Variants in ARVCF observed in about 807,000 individuals in gnomAD.
ARVCF encodes ARVCF delta catenin family member.
A neutral mutation model predicts 90.9 loss-of-function variants in ARVCF; 66 were observed. The observed-to-expected ratio is 0.73, with a 90% confidence interval of 0.60 to 0.89. The LOEUF (loss-of-function observed/expected upper bound fraction) is 0.89, where lower values mean the gene tolerates loss of function less well. Ranked by LOEUF, ARVCF falls within the 40% of genes least tolerant of loss-of-function variation. The pLI, the probability that ARVCF is intolerant of heterozygous loss-of-function variation, is 0.00. For synonymous variants in ARVCF, 653 were observed against 603.4 expected (o/e 1.08, Z -1.21); for missense variants, 1,469 against 1,382.3 (o/e 1.06, Z -1.00).
At chr22:19,967,380 A>G (rs1216294519), downstream of ARVCF, 1 of 481,884 alleles carries the variant, frequency 2.1e-6, no homozygotes. Flanking sequence ...TTTTCAGCTG[A>G]CATTGCTAGG....
chr22:20,016,780 C>A lies in ARVCF; in HGVS notation c.-264G>T, dbSNP rs973484396. On this transcript the variant is annotated 5_prime_UTR_variant, in exon 1 of 20. Transcript: ENST00000263207. ...CTCCCTCCAGGCCCAGCGCGCAACC[C>A]GAGACCCCGGGCCAGCCCTCCCGCC... The A allele has an allele frequency of 1.3e-5, 2 of 151,422 alleles. No individual in the cohort carries two copies. The highest frequency in any genetic ancestry group is 3.0e-5 in the Non-Finnish European group (2 of 67,792). The allele number at this position is 151,422 out of a possible 1,614,324, so 9.4% of individuals were successfully genotyped here.
rs768227680 is a variant in ARVCF at position 19,972,778 on chromosome 22, C to A, written c.2600G>T (p.Gly867Val). Residue 867 changes from glycine (G) to valine (V), a missense_variant, in exon 16 of 20, where the codon GGC becomes GTC. Coordinates refer to ENST00000263207, the MANE Select transcript of ARVCF (RefSeq NM_001670.3). ...CAGTGGCAGCGTGCTGTCATCGAAGCCCCCAGGACTCAGTGCTCCCTTAGG... is the reference window on the plus strand; with the variant it reads ...CAGTGGCAGCGTGCTGTCATCGAAGACCCCAGGACTCAGTGCTCCCTTAGG... ...KGPKGALSPG[G>V]FDDSTLPLVD... is the part of the protein sequence containing the mutation. 18 of 1,612,996 alleles carry A rather than the reference C, an allele frequency of 1.1e-5. No homozygotes were observed. Among genetic ancestry groups the A allele is most frequent in the East Asian group, 4.5e-5 (2 of 44,878 alleles).
intron 11 of ARVCF, among the ~76,000 whole-genome samples, chr22:19,974,673 G>A (rs773511280): frequency 2.6e-5 from 4 of 151,970 alleles, no homozygotes; most frequent in African/African-American, 4.8e-5. Flanking sequence ...CCCCTAGCAA[G>A]AGGACCTGCT....
chr22:19,969,688 C>T, downstream of ARVCF: 1 of 327,676 alleles, frequency 3.1e-6, no homozygotes, highest in Non-Finnish European at 4.4e-6. Context: ...TAGCCCCCAG[C>T]CAGCCCACTC....
intron 6 of ARVCF, 124 bp downstream of exon 6, chr22:19,979,619 G>A: frequency 7.2e-7 from 1 of 1,383,868 alleles, no homozygotes; most frequent in South Asian, 1.5e-5. Context: ...CGTCTCAGCA[G>A]CTGCACTCCT....
intron 2 of ARVCF, among the ~76,000 whole-genome samples, chr22:19,993,243 C>A (rs1282519657): frequency 6.6e-6 from 1 of 152,142 alleles, no homozygotes; most frequent in East Asian, 1.9e-4. Flanking sequence ...CACAGAAGGC[C>A]CAGGCCCACT....
Position 19,970,014 on chromosome 22 carries a change from G to A in ARVCF, c.*742C>T, listed in dbSNP as rs1040891994. On this transcript the variant is annotated 3_prime_UTR_variant, in exon 20 of 20. Transcript: ENST00000263207. The stretch of plus-strand genomic sequence containing the variant: ...TGTTTTTCTTCTGTTTCTGAGTCAC[G>A]AACAGCAGGCACTGAAAGCAGTCCC... The A allele has an allele frequency of 7.1e-6, 7 of 985,330 alleles. No homozygotes were observed. Among genetic ancestry groups the A allele is most frequent in the African/African-American group, 7.0e-5 (4 of 57,180 alleles). 61.0% of individuals were successfully genotyped at this position (985,330 alleles called of 1,614,324 possible).
intron 18 of ARVCF, 70 bp from the exon 19 acceptor site, chr22:19,971,405 A>T: frequency 6.7e-7 from 1 of 1,497,468 alleles, no homozygotes; most frequent in South Asian, 1.3e-5. Flanking sequence ...GGGACAGGGC[A>T]GGGGCAGGGC....
At position 19,990,798 on chromosome 22, in the gene ARVCF, C is replaced by G; in HGVS notation, c.-4G>C. 6.4e-7 allele frequency: 1 copy of G among 1,554,680 alleles called. No individual in the cohort carries two copies. Reference sequence around the variant, plus strand: ...AGTGCACATTGCAGTCCTCCATGACCAGAGCGCCCGCCAGCTGCAGGCAAA... The same window carrying G: ...AGTGCACATTGCAGTCCTCCATGACGAGAGCGCCCGCCAGCTGCAGGCAAA... On this transcript the variant is annotated 5_prime_UTR_variant, in exon 3 of 20. Transcript: ENST00000263207.
chr22:19,967,382 A>G (rs999383443), downstream of ARVCF: 6 of 475,920 alleles, frequency 1.3e-5, no homozygotes, highest in East Asian at 7.1e-5. Flanking sequence ...TTCAGCTGAC[A>G]TTGCTAGGAC....
intron 3 of ARVCF, among the ~76,000 whole-genome samples, chr22:19,987,616 C>T (rs1379441309): frequency 3.9e-5 from 6 of 152,078 alleles, no homozygotes; most frequent in Non-Finnish European, 8.8e-5. Context: ...TGGCACAAAC[C>T]TGGCTGCGAC....
intron 2 of ARVCF, among the ~76,000 whole-genome samples, chr22:20,004,147 A>G (rs1229964016): frequency 6.6e-6 from 1 of 152,128 alleles, no homozygotes; most frequent in Non-Finnish European, 1.5e-5. Context: ...AATAGAATAC[A>G]TAATACTAAA....
chr22:19,969,101 T>G, downstream of ARVCF: 1 of 232,274 alleles, frequency 4.3e-6, no homozygotes, highest in South Asian at 5.1e-5. Flanking sequence ...CATTCAAAGC[T>G]CCCCTTGACG....
At chr22:19,968,917 A>G (rs1942589639), downstream of ARVCF, 2 of 613,328 alleles carry the variant, frequency 3.3e-6, no homozygotes, top group Non-Finnish European at 5.8e-6. Flanking sequence ...GTTCTTTTTT[A>G]AGACTCAATC....
chr22:19,972,862 G>A, intron 15 of ARVCF, 35 bp from the exon 16 acceptor site: 1 of 1,613,672 alleles, frequency 6.2e-7, no homozygotes, highest in Admixed American at 1.7e-5. Flanking sequence ...GGTGGGTGAA[G>A]CACATGGAGT....
intron 12 of ARVCF, 21 bp downstream of exon 12, chr22:19,974,091 C>T: frequency 1.3e-6 from 2 of 1,594,144 alleles, no homozygotes; most frequent in Non-Finnish European, 1.7e-6. Context: ...CTTGCCCACC[C>T]TGCCCGACCT....
At chr22:19,978,359 G>A (rs1420353553) in intron 7 of ARVCF, among the ~76,000 whole-genome samples, 2 of 152,184 alleles carry the variant, frequency 1.3e-5, no homozygotes, top group African/African-American at 2.4e-5. Flanking sequence ...AGGGACAGGT[G>A]CACTCTCAGA....
At position 19,974,327 on chromosome 22, in the gene ARVCF, G is replaced by C. The variant is rs1569151219; in HGVS notation, c.1961-88C>G. Reference sequence around the variant, plus strand: ...CCCGCTTCCCGCTTCAGAGCTCCCAGGGCGTGGGTGAGCTGGGGCCAGGGA... The same window carrying C: ...CCCGCTTCCCGCTTCAGAGCTCCCACGGCGTGGGTGAGCTGGGGCCAGGGA... On this transcript the variant is annotated intron_variant, in intron 11 of 19. Coordinates refer to ENST00000263207, the MANE Select transcript of ARVCF (RefSeq NM_001670.3). 2.1e-6 allele frequency: 3 copies of C among 1,448,170 alleles called. No individual in the cohort carries two copies. In the South Asian group the frequency reaches 4.3e-5, roughly 21 times the overall value. 89.7% of individuals were successfully genotyped at this position (1,448,170 alleles called of 1,614,324 possible).
At chr22:19,978,873 T>C (rs1943315215) in intron 7 of ARVCF, 24 bp downstream of exon 7, 1 of 1,594,066 alleles carries the variant, frequency 6.3e-7, no homozygotes, top group Admixed American at 1.7e-5. Context: ...GCATGTGGGC[T>C]TTAGCACCAG....
Sources: gnomAD v4.1 joint callset for allele counts (sites outside exome capture counted in the v4.1 genomes callset) on GRCh38, gnomAD v4.1.1 for gene constraint, MANE v1.5 for transcripts, NCBI Gene and HGNC (gene_info 2026-07-23, HGNC 2026-07-21) for gene names.